Variants in FSTL5 observed in about 807,000 individuals in gnomAD.
FSTL5 encodes follistatin-related protein 5.
FSTL5 carries 62 observed loss-of-function variants against 89.1 expected under a neutral mutation model. The observed-to-expected ratio is 0.70, with a 90% CI of 0.57 to 0.86. The LOEUF (loss-of-function observed/expected upper bound fraction) is 0.86, where lower values mean the gene tolerates loss of function less well. FSTL5 is among the 40% of genes least tolerant of loss of function. The pLI, the probability that FSTL5 is intolerant of heterozygous loss-of-function variation, is 0.00. For synonymous variants in FSTL5, 383 were observed against 346.2 expected, an observed-to-expected ratio of 1.11 and a Z score of -1.18; for missense variants, 1,057 against 1,001.6, an observed-to-expected ratio of 1.06 and a Z score of -0.75.
chr4:161,745,883 C>CA (rs1165165528), intron 6 of FSTL5, among the ~76,000 whole-genome samples: 1 of 152,068 alleles, frequency 6.6e-6, no homozygotes, highest in Non-Finnish European at 1.5e-5. Flanking sequence ...CACCATTAAA[C>CA]ATGACTACAG....
intron 6 of FSTL5, among the ~76,000 whole-genome samples, chr4:161,703,456 T>A: frequency 6.6e-6 from 1 of 152,150 alleles, no homozygotes; most frequent in East Asian, 1.9e-4. Flanking sequence ...AGCTTTCTCA[T>A]CCAATTCCTG....
intron 13 of FSTL5, among the ~76,000 whole-genome samples, chr4:161,461,783 CTTTGA>C (rs1278345474): frequency 6.6e-6 from 1 of 152,014 alleles, no homozygotes; most frequent in African/African-American, 2.4e-5. Context: ...CATAAGATTC[CTTTGA>C]TTTTTCATAT....
At chr4:162,022,564 A>G (rs1206274817) in intron 3 of FSTL5, among the ~76,000 whole-genome samples, 1 of 152,168 alleles carries the variant, frequency 6.6e-6, no homozygotes, top group Non-Finnish European at 1.5e-5. Context: ...GGTAAACCAT[A>G]AGTTAGACTC....
chr4:161,717,944 T>C (rs1352990422), intron 6 of FSTL5, among the ~76,000 whole-genome samples: 2 of 152,186 alleles, frequency 1.3e-5, no homozygotes, highest in East Asian at 1.9e-4. Flanking sequence ...CTGGGAAATA[T>C]TCATTCTGTA....
intron 6 of FSTL5, among the ~76,000 whole-genome samples, chr4:161,738,719 T>G (rs1487751396): frequency 6.6e-6 from 1 of 152,162 alleles, no homozygotes; most frequent in African/African-American, 2.4e-5. Context: ...TTCACATACT[T>G]GGAAAATTGC....
At chr4:161,925,944 A>T (rs2110878776) in intron 3 of FSTL5, among the ~76,000 whole-genome samples, 1 of 152,066 alleles carries the variant, frequency 6.6e-6, no homozygotes, top group Non-Finnish European at 1.5e-5. Context: ...TCAAAATTAC[A>T]TTACACAATT....
At chr4:161,914,620 T>G (rs1733789763) in intron 4 of FSTL5, among the ~76,000 whole-genome samples, 1 of 152,196 alleles carries the variant, frequency 6.6e-6, no homozygotes, top group Non-Finnish European at 1.5e-5. Flanking sequence ...TCATTGTAGT[T>G]ATTTTTTCTT....
chr4:162,012,139 T>C (rs781220224), intron 3 of FSTL5, among the ~76,000 whole-genome samples: 2 of 152,228 alleles, frequency 1.3e-5, no homozygotes, highest in Admixed American at 6.5e-5. Context: ...GAATATACTG[T>C]CTGGTTTATA....
rs183248958 is a variant in FSTL5, at chr4:161,648,319, A to G, written c.894+8009T>C. ...CAGCTGTAAGCATTCACCCCTAGACACTGCCAGGGGATTGGAGCCCCACAG... is the reference window on the plus strand; with the variant it reads ...CAGCTGTAAGCATTCACCCCTAGACGCTGCCAGGGGATTGGAGCCCCACAG... On this transcript the variant is annotated intron_variant, in intron 7 of 15. Transcript: ENST00000306100. Among the ~76,000 whole-genome samples the G allele has an allele frequency of 6.0e-3, 912 of 152,238 alleles. 10 individuals carry two copies. The highest frequency in any genetic ancestry group is 0.045 in the South Asian group (218 of 4,822).
At chr4:161,433,178 T>A (rs1732439359) in intron 15 of FSTL5, among the ~76,000 whole-genome samples, 1 of 150,398 alleles carries the variant, frequency 6.6e-6, no homozygotes, top group South Asian at 2.1e-4. Flanking sequence ...AAATCCTCAA[T>A]GAAATATGAG....
intron 3 of FSTL5, among the ~76,000 whole-genome samples, chr4:161,961,087 T>C (rs1442721119): frequency 6.6e-6 from 1 of 152,102 alleles, no homozygotes; most frequent in Non-Finnish European, 1.5e-5. Flanking sequence ...AAGAGCAAAT[T>C]TGAGAATAGA....
chr4:161,652,315 G>T (rs897651191), intron 7 of FSTL5, among the ~76,000 whole-genome samples: 1 of 152,052 alleles, frequency 6.6e-6, no homozygotes. Flanking sequence ...CACATCTGTA[G>T]TCCTAGCTAC....
chr4:162,101,194 T>C lies in FSTL5; in HGVS notation c.126+10077A>G, dbSNP rs139268569. 3.1e-4 allele frequency among the ~76,000 whole-genome samples: 47 copies of C among 152,304 alleles called. 1 individual carries two copies. In the East Asian group the frequency reaches 8.9e-3, roughly 29 times the overall value. Reference sequence around the variant, plus strand: ...TACCTCCTATAAAGCAAACTTTGCATTGGCTCTCCCTGAAGAACTATCCCT... The same window carrying C: ...TACCTCCTATAAAGCAAACTTTGCACTGGCTCTCCCTGAAGAACTATCCCT... On this transcript the variant is annotated intron_variant, in intron 2 of 15. Coordinates refer to ENST00000306100, the MANE Select transcript of FSTL5 (RefSeq NM_020116.5).
At chr4:162,069,883 T>C (rs1391284437) in intron 2 of FSTL5, among the ~76,000 whole-genome samples, 10 of 50,602 alleles carry the variant, frequency 2.0e-4, no homozygotes, top group Admixed American at 2.0e-3. Context: ...ATATACTAAT[T>C]TTTTTTCTTT....
intron 3 of FSTL5, among the ~76,000 whole-genome samples, chr4:161,985,654 ATATATT>A (rs1376059104): frequency 6.6e-6 from 1 of 151,860 alleles, no homozygotes; most frequent in Non-Finnish European, 1.5e-5. Context: ...TACTTTGTAT[ATATATT>A]TATACTTTAA....
At chr4:161,955,397 T>C (rs1170233898) in intron 3 of FSTL5, among the ~76,000 whole-genome samples, 3 of 151,330 alleles carry the variant, frequency 2.0e-5, no homozygotes, top group African/African-American at 7.3e-5. Context: ...GTGTATAATG[T>C]GAACAAAAAA....
At chr4:162,078,826 C>T (rs1037180749) in intron 2 of FSTL5, among the ~76,000 whole-genome samples, 2 of 151,736 alleles carry the variant, frequency 1.3e-5, no homozygotes, top group African/African-American at 4.8e-5. Flanking sequence ...TCAAGAGATT[C>T]TCTGGACTAA....
At chr4:161,878,471 C>G (rs1260615388) in intron 4 of FSTL5, among the ~76,000 whole-genome samples, 2 of 152,004 alleles carry the variant, frequency 1.3e-5, no homozygotes, top group African/African-American at 2.4e-5. Context: ...TACCGCAGAT[C>G]AGATGATTAT....
At position 161,910,718 on chromosome 4, in the gene FSTL5, C is replaced by G. The variant is rs78512462; in HGVS notation, c.409+9686G>C. ...TCTTTTGGACAATCACAAAAAGGCCCAAATTGACCTTCCCTCTCCCAGCTT... is the reference window on the plus strand; with the variant it reads ...TCTTTTGGACAATCACAAAAAGGCCGAAATTGACCTTCCCTCTCCCAGCTT... On this transcript the variant is annotated intron_variant, in intron 4 of 15. Transcript: ENST00000306100. 1.8e-3 allele frequency among the ~76,000 whole-genome samples: 269 copies of G among 152,204 alleles called. 11 individuals carry two copies. The East Asian group carries it at 0.044, about 25-fold the overall frequency.
Sources: allele counts gnomAD v4.1 joint callset (sites outside exome capture counted in the v4.1 genomes callset), GRCh38; gene constraint gnomAD v4.1.1; transcripts MANE v1.5; gene names NCBI Gene and HGNC (gene_info 2026-07-23, HGNC 2026-07-21).